Variants in VKORC1L1 observed in about 807,000 individuals in gnomAD.
VKORC1L1 encodes the protein vitamin K epoxide reductase complex subunit 1-like protein 1.
Under a neutral mutation model 18.9 loss-of-function variants are expected in VKORC1L1, and 2 were observed. That is an observed-to-expected ratio of 0.11 (90% CI 0.04 to 0.33). The LOEUF is 0.33. Among genes scored for constraint, VKORC1L1 ranks in the 10% least tolerant of loss-of-function variants. The probability of loss-of-function intolerance (pLI) is 1.00; values close to 1 mark genes in which losing one functional copy is unlikely to be tolerated. For synonymous variants in VKORC1L1, 96 were observed against 100.0 expected (o/e 0.96, Z 0.24); for missense variants, 123 against 224.1 (o/e 0.55, Z 2.88).
chr7:65,910,432 T>C (rs1439593169), intron 1 of VKORC1L1, among the ~76,000 whole-genome samples: 5 of 152,232 alleles, frequency 3.3e-5, no homozygotes, highest in African/African-American at 1.2e-4. Flanking sequence ...TCTGGGGAAC[T>C]ACTCCAGAAT....
intron 1 of VKORC1L1, among the ~76,000 whole-genome samples, chr7:65,907,400 TGCACTCCAGCCAG>T (rs1789424248): frequency 6.6e-6 from 1 of 152,180 alleles, no homozygotes; most frequent in African/African-American, 2.4e-5. Context: ...ATCATGCCAT[TGCACTCCAGCCAG>T]GGTGAGACTC....
chr7:65,910,633 A>G (rs1406198703), intron 1 of VKORC1L1, among the ~76,000 whole-genome samples: 1 of 151,776 alleles, frequency 6.6e-6, no homozygotes. Flanking sequence ...CATTAGCAAT[A>G]TCTGTGCGCT....
At chr7:65,918,784 A>G (rs1304289822) in intron 1 of VKORC1L1, among the ~76,000 whole-genome samples, 1 of 152,214 alleles carries the variant, frequency 6.6e-6, no homozygotes. Flanking sequence ...CTGAAGGCAA[A>G]GGAAGATTCT....
intron 1 of VKORC1L1, among the ~76,000 whole-genome samples, chr7:65,930,590 G>C (rs1414684127): frequency 2.0e-5 from 3 of 152,184 alleles, no homozygotes; most frequent in Non-Finnish European, 4.4e-5. Context: ...TCAGAGTTCT[G>C]TATGTATATA....
rs1418260301 is a variant in VKORC1L1 at position 65,927,479 on chromosome 7, C to T, written c.195-21192C>T. Among the ~76,000 whole-genome samples, 3 of 152,144 alleles carry T rather than the reference C, an allele frequency of 2.0e-5. No homozygotes were observed. The South Asian group carries it at 6.2e-4, about 32-fold the overall frequency. On this transcript the variant is annotated intron_variant, in intron 1 of 2. Transcript: ENST00000360768. ...CTCTTGTACCTGTGAGAAACAAACT[C>T]ATCTGTCCAAACCCAAAGAATGGAC...
At chr7:65,920,789 G>A (rs1240085677) in intron 1 of VKORC1L1, among the ~76,000 whole-genome samples, 1 of 151,432 alleles carries the variant, frequency 6.6e-6, no homozygotes, top group Non-Finnish European at 1.5e-5. Flanking sequence ...TGAGCCCAGG[G>A]GTTCAAGGCC....
intron 1 of VKORC1L1, among the ~76,000 whole-genome samples, chr7:65,938,178 C>T (rs1789977609): frequency 6.6e-6 from 1 of 151,530 alleles, no homozygotes; most frequent in South Asian, 2.1e-4. Flanking sequence ...GCTGTGCGAC[C>T]GAGCGAGACT....
intron 1 of VKORC1L1, among the ~76,000 whole-genome samples, chr7:65,910,678 T>G (rs1254580132): frequency 1.3e-5 from 2 of 152,202 alleles, no homozygotes; most frequent in African/African-American, 4.8e-5. Context: ...TTGCAAGTTT[T>G]TTTTTTTTGT....
intron 1 of VKORC1L1, among the ~76,000 whole-genome samples, chr7:65,915,010 A>C (rs181862063): frequency 2.5e-4 from 38 of 152,268 alleles, no homozygotes; most frequent in Non-Finnish European, 4.9e-4. Flanking sequence ...TGTCTCAAAA[A>C]ACAAAAAAAC....
rs1788761935 is a variant in VKORC1L1, at chr7:65,873,339, G to A, written c.-33G>A. ...ACGGGCGGCGGCGGCTGAGGTGGAG[G>A]CGGAGGGAGGCGGCGGCGGCGGCGG... On this transcript the variant is annotated 5_prime_UTR_variant, in exon 1 of 3. Transcript: ENST00000360768. The A allele has an allele frequency of 1.4e-5, 20 of 1,452,500 alleles. No homozygotes were observed. The South Asian group carries it at 2.5e-4, about 18-fold the overall frequency. 90.0% of individuals were successfully genotyped at this position (1,452,500 alleles called of 1,614,324 possible). A position where few individuals can be genotyped will look rare whatever the true frequency, so the allele number is the denominator to read the frequency against.
chr7:65,921,674 C>A (rs1463008763), intron 1 of VKORC1L1, among the ~76,000 whole-genome samples: 1 of 152,104 alleles, frequency 6.6e-6, no homozygotes, highest in African/African-American at 2.4e-5. Context: ...TGGTGAAACC[C>A]CGTCTCTACT....
At chr7:65,902,258 T>C (rs191581811) in intron 1 of VKORC1L1, among the ~76,000 whole-genome samples, 5 of 152,232 alleles carry the variant, frequency 3.3e-5, no homozygotes, top group East Asian at 3.9e-4. Flanking sequence ...ATTACAAATA[T>C]GCTGTCAGTT....
rs943739854 is a variant in VKORC1L1, at chr7:65,904,986, C to T, written c.194+31421C>T. Among the ~76,000 whole-genome samples, 4 of 151,648 alleles carry T rather than the reference C, an allele frequency of 2.6e-5. No individual in the cohort carries two copies. In the East Asian group the frequency reaches 7.7e-4, roughly 29 times the overall value. On this transcript the variant is annotated intron_variant, in intron 1 of 2. Transcript: ENST00000360768. The stretch of plus-strand genomic sequence containing the variant: ...TACATATTATGTATATATACATGCA[C>T]GTGTATATACATACACATGCCTGTA...
chr7:65,943,270 A>G (rs1790066401), intron 1 of VKORC1L1, among the ~76,000 whole-genome samples: 1 of 152,088 alleles, frequency 6.6e-6, no homozygotes, highest in Non-Finnish European at 1.5e-5. Flanking sequence ...CAAAAATAAT[A>G]AGGAATTTTT....
At chr7:65,938,137 G>A (rs986030713) in intron 1 of VKORC1L1, among the ~76,000 whole-genome samples, 1 of 152,172 alleles carries the variant, frequency 6.6e-6, no homozygotes, top group Admixed American at 6.5e-5. Flanking sequence ...GAACCCAGGA[G>A]GCGGAGGTTA....
At chr7:65,934,869 A>G (rs866444911) in intron 1 of VKORC1L1, among the ~76,000 whole-genome samples, 21 of 152,142 alleles carry the variant, frequency 1.4e-4, no homozygotes, top group African/African-American at 4.6e-4. Flanking sequence ...CCTTGCCAAC[A>G]TAGTGAAACC....
intron 1 of VKORC1L1, among the ~76,000 whole-genome samples, chr7:65,896,711 AGACACGCTGCTGG>A (rs1789219774): frequency 6.6e-6 from 1 of 152,106 alleles, no homozygotes; most frequent in South Asian, 2.1e-4. Flanking sequence ...GCGTAAAAAC[AGACACGCTGCTGG>A]GCCTGGTGGC....
At chr7:65,884,882 T>C (rs1788987444) in intron 1 of VKORC1L1, among the ~76,000 whole-genome samples, 1 of 152,240 alleles carries the variant, frequency 6.6e-6, no homozygotes, top group Non-Finnish European at 1.5e-5. Flanking sequence ...TGTTTGATAA[T>C]GAGGTTTTCA....
chr7:65,873,224 C>G lies in VKORC1L1; in HGVS notation c.-148C>G, dbSNP rs1356528674. ...GGGGGCGGGGCCCGGAGCAGGCCAC[C>G]GAGCCAATGGGGCGCGGCGGCGGCG... On this transcript the variant is annotated 5_prime_UTR_variant, in exon 1 of 3. Transcript: ENST00000360768. 4 of 938,374 alleles carry G rather than the reference C, an allele frequency of 4.3e-6. No individual in the cohort carries two copies. The highest frequency in any genetic ancestry group is 4.7e-5 in the South Asian group (1 of 21,236). 58.1% of individuals were successfully genotyped at this position (938,374 alleles called of 1,614,324 possible).
Sources: allele counts gnomAD v4.1 joint callset (sites outside exome capture counted in the v4.1 genomes callset), GRCh38; gene constraint gnomAD v4.1.1; transcripts MANE v1.5; gene names NCBI Gene and HGNC (gene_info 2026-07-23, HGNC 2026-07-21).